Variants in IBTK observed in about 807,000 individuals in gnomAD.
IBTK encodes the protein BTK-binding protein.
IBTK carries 83 observed loss-of-function variants against 154.9 expected under a neutral mutation model. The ratio of observed to expected loss-of-function variants is 0.54; its 90% CI spans 0.45 to 0.64. The LOEUF is 0.64. Ranked by LOEUF, IBTK falls within the 30% of genes least tolerant of loss-of-function variation. The pLI is 0.00. For missense variants in IBTK, 1,332 were observed against 1,584.6 expected, an observed-to-expected ratio of 0.84 and a Z score of 2.71; for synonymous variants, 515 against 536.1, an observed-to-expected ratio of 0.96 and a Z score of 0.54.
chr6:82,211,350 T>G lies in IBTK; in HGVS notation c.2412+17A>C. On this transcript the variant is annotated intron_variant, in intron 15 of 28. Coordinates refer to ENST00000306270, the MANE Select transcript of IBTK (RefSeq NM_015525.4). ...AAACATAGTTACCAACCTAGGCGCT[T>G]TTTACTTAAATCTTACCTCAATCCA... 6.3e-7 allele frequency: 1 copy of G among 1,584,430 alleles called. No homozygotes were observed. Among genetic ancestry groups the G allele is most frequent in the Non-Finnish European group, 8.5e-7 (1 of 1,169,682 alleles).
intron 17 of IBTK, among the ~76,000 whole-genome samples, 180 bp from the exon 18 acceptor site, chr6:82,202,825 A>C (rs907109222): frequency 6.6e-6 from 1 of 152,214 alleles, no homozygotes; most frequent in African/African-American, 2.4e-5. Flanking sequence ...AATATGCCAA[A>C]GTAATTTCAA....
At chr6:82,176,516 C>A (rs2323643) in intron 26 of IBTK, among the ~76,000 whole-genome samples, 56,186 of 130,974 alleles carry the variant, frequency 0.43, 12,100 homozygotes, top group East Asian at 0.75. Context: ...AGCGAGAGTC[C>A]GTCTCAAAAA....
At chr6:82,228,324 C>A (rs1011914482) in intron 4 of IBTK, among the ~76,000 whole-genome samples, 5 of 151,980 alleles carry the variant, frequency 3.3e-5, no homozygotes, top group African/African-American at 4.8e-5. Flanking sequence ...TTTACACATA[C>A]CCTAGACCGC....
chr6:82,173,684 T>TATATATATATATATATATATATATATAC (rs1554181580), intron 26 of IBTK: 17 of 220,758 alleles, frequency 7.7e-5, no homozygotes, highest in South Asian at 6.2e-4. Flanking sequence ...AATATATATA[T>TATATATATATATATATATATATATATAC]ACACACACCA....
chr6:82,209,109 A>G (rs910698592), intron 16 of IBTK, among the ~76,000 whole-genome samples: 3 of 152,218 alleles, frequency 2.0e-5, no homozygotes, highest in African/African-American at 7.2e-5. Flanking sequence ...GATGTGGAGA[A>G]ACTGGAACCC....
At chr6:82,241,020 C>G (rs929851019) in intron 1 of IBTK, among the ~76,000 whole-genome samples, 177 bp from the exon 2 acceptor site, 20 of 152,116 alleles carry the variant, frequency 1.3e-4, no homozygotes, top group African/African-American at 4.8e-4. Flanking sequence ...TCAAGGTCAT[C>G]GCCAAGATCT....
intron 19 of IBTK, 131 bp from the exon 20 acceptor site, chr6:82,200,839 A>C: frequency 1.0e-6 from 1 of 994,696 alleles, no homozygotes; most frequent in Non-Finnish European, 1.4e-6. Context: ...GGCCCCAAGC[A>C]AACCTCCCAT....
chr6:82,245,433 T>C (rs1294101288), intron 1 of IBTK, among the ~76,000 whole-genome samples: 1 of 152,102 alleles, frequency 6.6e-6, no homozygotes, highest in Admixed American at 6.6e-5. Context: ...GGCACATCCC[T>C]GTAGTCCCAA....
chr6:82,212,476 T>G (rs1406969927), intron 13 of IBTK, among the ~76,000 whole-genome samples: 4 of 152,164 alleles, frequency 2.6e-5, no homozygotes, highest in Non-Finnish European at 5.9e-5. Context: ...AGTTCCACTC[T>G]CTATTAGAAA....
At chr6:82,224,915 C>G (rs1770237367) in intron 6 of IBTK, among the ~76,000 whole-genome samples, 1 of 152,164 alleles carries the variant, frequency 6.6e-6, no homozygotes, top group African/African-American at 2.4e-5. Context: ...AGTTTGGTGG[C>G]TAATCTCCCA....
At chr6:82,175,600 A>C (rs561134586) in intron 26 of IBTK, among the ~76,000 whole-genome samples, 2 of 152,384 alleles carry the variant, frequency 1.3e-5, no homozygotes, top group South Asian at 4.1e-4. Flanking sequence ...TAAACTTTCA[A>C]ATAATAAATA....
At chr6:82,220,937 T>TACACACACACACACACACACACACACAC (rs57358110) in intron 8 of IBTK, among the ~76,000 whole-genome samples, 1 of 130,090 alleles carries the variant, frequency 7.7e-6, no homozygotes, top group Non-Finnish European at 1.6e-5. Context: ...TGACTTTACC[T>TACACACACACACACACACACACACACAC]ACACACACAC....
chr6:82,184,206 C>T (rs1768452125), intron 25 of IBTK, among the ~76,000 whole-genome samples: 1 of 152,110 alleles, frequency 6.6e-6, no homozygotes, highest in African/African-American at 2.4e-5. Flanking sequence ...TCACAAGCTC[C>T]AGCTATTTTC....
intron 2 of IBTK, among the ~76,000 whole-genome samples, chr6:82,237,653 A>AG (rs1770774503): frequency 5.5e-5 from 2 of 36,618 alleles, no homozygotes; most frequent in East Asian, 0.01. Context: ...GTAGTAGAAG[A>AG]TAGTAGTGGT....
At chr6:82,213,837 T>C (rs1161919871) in intron 12 of IBTK, among the ~76,000 whole-genome samples, 1 of 147,690 alleles carries the variant, frequency 6.8e-6, no homozygotes, top group Non-Finnish European at 1.5e-5. Flanking sequence ...AAAAAAAGGA[T>C]GGGTAGGGAG....
intron 25 of IBTK, among the ~76,000 whole-genome samples, chr6:82,183,587 A>T (rs1409123015): frequency 6.6e-6 from 1 of 152,246 alleles, no homozygotes; most frequent in African/African-American, 2.4e-5. Flanking sequence ...AATTAATCTC[A>T]CTAGGTTTTT....
At chr6:82,235,066 G>A (rs1770665299) in intron 2 of IBTK, among the ~76,000 whole-genome samples, 2 of 151,676 alleles carry the variant, frequency 1.3e-5, no homozygotes, top group Admixed American at 1.3e-4. Flanking sequence ...TCACCATGTT[G>A]GCCAGGCTGG....
At chr6:82,213,642 A>G (rs776320050) in intron 12 of IBTK, among the ~76,000 whole-genome samples, 8 of 152,168 alleles carry the variant, frequency 5.3e-5, no homozygotes, top group Non-Finnish European at 1.0e-4. Flanking sequence ...AAGCTAAGAG[A>G]TATGTATGTC....
At chr6:82,212,975 A>G (rs999447108) in intron 12 of IBTK, among the ~76,000 whole-genome samples, 182 bp from the exon 13 acceptor site, 2 of 152,198 alleles carry the variant, frequency 1.3e-5, no homozygotes, top group Non-Finnish European at 2.9e-5. Context: ...GTTAGAATTC[A>G]AAATAGATTA....
Sources: gnomAD v4.1 joint callset for allele counts (sites outside exome capture counted in the v4.1 genomes callset) on GRCh38, gnomAD v4.1.1 for gene constraint, MANE v1.5 for transcripts, NCBI Gene and HGNC (gene_info 2026-07-23, HGNC 2026-07-21) for gene names.